The following CLDN16 variants were observed in gnomAD, a reference collection of about 807,000 sequenced individuals.
CLDN16 encodes claudin-16.
In CLDN16, 13 loss-of-function variants were observed where a neutral mutation model predicts 24.6. That is an observed-to-expected ratio of 0.53 (90% confidence interval 0.34 to 0.84). The LOEUF (loss-of-function observed/expected upper bound fraction) is 0.84. Ranked by LOEUF, CLDN16 falls within the 40% of genes least tolerant of loss-of-function variation. The pLI is 0.01. For missense variants in CLDN16, 298 were observed against 292.7 expected (o/e 1.02, Z -0.13); for synonymous variants, 116 against 106.7 (o/e 1.09, Z -0.54).
the CLDN16 span, among the ~76,000 whole-genome samples, chr3:190,298,711 T>G: frequency 8.3e-3 from 1,266 of 152,228 alleles, 22 homozygotes; most frequent in African/African-American, 0.029. Flanking sequence ...GTGCTGGGAT[T>G]ACAGGTGTGA....
Position 190,388,250 on chromosome 3 carries a change from A to G in CLDN16, c.-80A>G. On this transcript the variant is annotated 5_prime_UTR_variant, in exon 1 of 5. Coordinates refer to ENST00000264734, the MANE Select transcript of CLDN16 (RefSeq NM_006580.4). ...TCACATTGCCAGGTACCAGAAACACAGAAGACTGACACCCGCCACTTAAGT... is the reference window on the plus strand; with the variant it reads ...TCACATTGCCAGGTACCAGAAACACGGAAGACTGACACCCGCCACTTAAGT... The G allele has an allele frequency of 1.2e-6, 2 of 1,613,458 alleles. No homozygotes were observed. The highest frequency in any genetic ancestry group is 1.7e-6 in the Non-Finnish European group (2 of 1,179,794).
chr3:190,296,902 T>C, the CLDN16 span, among the ~76,000 whole-genome samples: 2 of 152,002 alleles, frequency 1.3e-5, no homozygotes, highest in Non-Finnish European at 2.9e-5. Context: ...AACAGTAGAG[T>C]GATAAGATAA....
At chr3:190,345,634 A>C (rs951273399) in intron 1 of CLDN16, among the ~76,000 whole-genome samples, 7 of 152,180 alleles carry the variant, frequency 4.6e-5, no homozygotes, top group Admixed American at 3.3e-4. Context: ...TTGATGAGGA[A>C]AAGGAATTCT....
intron 1 of CLDN16, among the ~76,000 whole-genome samples, chr3:190,335,023 CTTT>C (rs57744577): frequency 0.043 from 5,813 of 134,420 alleles, 385 homozygotes; most frequent in African/African-American, 0.14. Flanking sequence ...TTTCTTTTTT[CTTT>C]TTTTTTTTTT....
upstream of CLDN16, chr3:190,388,080 A>C (rs1577421084): frequency 6.9e-6 from 11 of 1,592,564 alleles, no homozygotes; most frequent in East Asian, 2.5e-4. Context: ...CAGCCCTTGC[A>C]CTGACCTGCC....
intron 1 of CLDN16, among the ~76,000 whole-genome samples, chr3:190,351,799 CTTAACG>C (rs1717676730): frequency 6.6e-6 from 1 of 151,866 alleles, no homozygotes; most frequent in Non-Finnish European, 1.5e-5. Context: ...ATCACAAAAA[CTTAACG>C]TTATTTTATC....
At chr3:190,312,240 C>T in the CLDN16 span, among the ~76,000 whole-genome samples, 3 of 151,918 alleles carry the variant, frequency 2.0e-5, no homozygotes, top group East Asian at 1.9e-4. Context: ...CTAAAAAACA[C>T]GTATTTATTT....
chr3:190,299,062 A>G, the CLDN16 span, among the ~76,000 whole-genome samples: 2 of 152,216 alleles, frequency 1.3e-5, no homozygotes, highest in African/African-American at 4.8e-5. Context: ...GGTGACCATC[A>G]TTAATCCACA....
intron 1 of CLDN16, among the ~76,000 whole-genome samples, chr3:190,332,363 A>G (rs1252461677): frequency 6.6e-6 from 1 of 152,224 alleles, no homozygotes; most frequent in Non-Finnish European, 1.5e-5. Flanking sequence ...TTTGCTTAAT[A>G]TGCACCAGAC....
intron 3 of CLDN16, among the ~76,000 whole-genome samples, chr3:190,382,194 A>G (rs1718384741): frequency 2.0e-5 from 3 of 152,116 alleles, no homozygotes; most frequent in Admixed American, 6.6e-5. Context: ...AGGGAGTAGA[A>G]TGTTAACCTT....
the CLDN16 span, among the ~76,000 whole-genome samples, chr3:190,292,963 G>T: frequency 1.3e-3 from 192 of 152,284 alleles, no homozygotes; most frequent in South Asian, 3.9e-3. Flanking sequence ...CTGTTACCCA[G>T]TTCCAAAGTT....
At chr3:190,408,212 C>A (rs1323661251) in intron 3 of CLDN16, 102 bp from the exon 4 acceptor site, 2 of 1,141,904 alleles carry the variant, frequency 1.8e-6, no homozygotes, top group East Asian at 4.7e-5. Context: ...CTGTTTTTAC[C>A]TCTCTGAATC....
At chr3:190,312,321 G>A in the CLDN16 span, among the ~76,000 whole-genome samples, 2 of 151,464 alleles carry the variant, frequency 1.3e-5, no homozygotes, top group African/African-American at 4.8e-5. Flanking sequence ...TTTCCTAACT[G>A]CTTTAAACTG....
At chr3:190,346,829 A>G (rs1387124081) in intron 1 of CLDN16, among the ~76,000 whole-genome samples, 1 of 152,008 alleles carries the variant, frequency 6.6e-6, no homozygotes, top group African/African-American at 2.4e-5. Flanking sequence ...TGTGTCTCCC[A>G]TTGCCTTCCC....
At chr3:190,336,407 G>A (rs564317280) in intron 1 of CLDN16, among the ~76,000 whole-genome samples, 61 of 152,272 alleles carry the variant, frequency 4.0e-4, no homozygotes, top group South Asian at 8.3e-4. Flanking sequence ...GTGCATACTC[G>A]AACATCCCTT....
rs576323696 is a variant in CLDN16, at chr3:190,359,623, C to A, written n.122-11270C>A. Among the ~76,000 whole-genome samples the A allele has an allele frequency of 1.1e-4, 17 of 152,076 alleles. No homozygotes were observed. In the South Asian group the frequency reaches 3.3e-3, roughly 30 times the overall value. On this transcript the variant is annotated intron_variant and non_coding_transcript_variant, in intron 1 of 4. Transcript: ENST00000468220. ...AGAGGATATACAATGCTCAATAAAA[C>A]CCTGTTCCTTACAGTCCAATGGTTG...
At chr3:190,362,205 GA>G (rs1202861586) in intron 1 of CLDN16, among the ~76,000 whole-genome samples, 1 of 151,896 alleles carries the variant, frequency 6.6e-6, no homozygotes, top group African/African-American at 2.4e-5. Flanking sequence ...GGCTGTGAAA[GA>G]ACGAACCCTG....
chr3:190,352,168 T>A (rs1294494181), intron 1 of CLDN16, among the ~76,000 whole-genome samples: 1 of 150,282 alleles, frequency 6.7e-6, no homozygotes, highest in Admixed American at 6.6e-5. Flanking sequence ...AAAAGACAAA[T>A]AAATTAGTAA....
chr3:190,322,403 G>A (rs1716953720), upstream of CLDN16: 4 of 612,296 alleles, frequency 6.5e-6, no homozygotes, highest in Non-Finnish European at 8.7e-6. Context: ...GCTGGAGTCT[G>A]GATACTAGAA....
Sources: allele counts gnomAD v4.1 joint callset (sites outside exome capture counted in the v4.1 genomes callset), GRCh38; gene constraint gnomAD v4.1.1; transcripts MANE v1.5; gene names NCBI Gene and HGNC (gene_info 2026-07-23, HGNC 2026-07-21).